The following ARHGAP42 variants were observed in gnomAD, a reference collection of about 807,000 sequenced individuals.
ARHGAP42 encodes rho GTPase-activating protein 42.
Under a neutral mutation model 125.0 loss-of-function variants are expected in ARHGAP42, and 63 were observed. The ratio of observed to expected loss-of-function variants is 0.50; its 90% CI spans 0.41 to 0.62. The LOEUF is 0.62. ARHGAP42 is among the 20% of genes least tolerant of loss of function. The probability of loss-of-function intolerance (pLI) is 0.00; values close to 1 mark genes in which losing one functional copy is unlikely to be tolerated. For missense variants in ARHGAP42, 766 were observed against 1,024.2 expected (o/e 0.75, Z 3.44); for synonymous variants, 339 against 351.0 (o/e 0.97, Z 0.38).
intron 4 of ARHGAP42, among the ~76,000 whole-genome samples, chr11:100,905,643 T>C (rs1866709713): frequency 6.6e-6 from 1 of 152,188 alleles, no homozygotes; most frequent in South Asian, 2.1e-4. Flanking sequence ...TTTCAAATTT[T>C]GCTTAATATT....
intron 4 of ARHGAP42, among the ~76,000 whole-genome samples, chr11:100,903,117 G>GCACA (rs1555021069): frequency 0.04 from 5,251 of 131,968 alleles, 187 homozygotes; most frequent in East Asian, 0.13. Flanking sequence ...TCCAAGATGC[G>GCACA]CACACACACA....
rs1246663164 is a variant in ARHGAP42 at position 100,992,669 on chromosome 11, A to G, written c.*3868A>G. 2 of 1,599,378 alleles carry G rather than the reference A, an allele frequency of 1.3e-6. No individual in the cohort carries two copies. The highest frequency in any genetic ancestry group is 1.7e-6 in the Non-Finnish European group (2 of 1,173,448). Reference sequence around the variant, plus strand: ...AAATGTGCCAGTTCCACTTGGTAATAACGTTGGGAAAATGCAGGTTTATGA... The same window carrying G: ...AAATGTGCCAGTTCCACTTGGTAATGACGTTGGGAAAATGCAGGTTTATGA... On this transcript the variant is annotated 3_prime_UTR_variant, in exon 24 of 24. Coordinates refer to ENST00000298815, the MANE Select transcript of ARHGAP42 (RefSeq NM_152432.4).
chr11:100,776,221 C>G (rs529116153), intron 2 of ARHGAP42, among the ~76,000 whole-genome samples: 2 of 151,714 alleles, frequency 1.3e-5, no homozygotes, highest in East Asian at 3.9e-4. Flanking sequence ...AAATGTTAGT[C>G]ATTAATATGA....
chr11:100,788,352 C>T (rs1863483791), intron 2 of ARHGAP42, among the ~76,000 whole-genome samples: 1 of 152,178 alleles, frequency 6.6e-6, no homozygotes, highest in East Asian at 1.9e-4. Flanking sequence ...ACTTAGATAC[C>T]TCAATGATAA....
chr11:100,780,859 A>G (rs934313741), intron 2 of ARHGAP42, among the ~76,000 whole-genome samples: 1 of 152,234 alleles, frequency 6.6e-6, no homozygotes, highest in African/African-American at 2.4e-5. Context: ...GTGTAAAAAC[A>G]AAGCTAATTA....
rs527861913 is a variant in ARHGAP42, at chr11:100,904,799, G to T, written c.385-8653G>T. Among the ~76,000 whole-genome samples the T allele has an allele frequency of 2.0e-5, 3 of 152,266 alleles. No individual in the cohort carries two copies. In the South Asian group the frequency reaches 6.2e-4, roughly 32 times the overall value. On this transcript the variant is annotated intron_variant, in intron 4 of 23. Transcript: ENST00000298815. ...GCCTGTCATAAGCTCTGTGACCTTG[G>T]TCAGATTACTTCTCTCTTCTCTGAT...
In ARHGAP42 at chr11:100,857,644, A is replaced by G. The variant is rs77465753; in HGVS notation, c.313-1910A>G. 5.3e-5 allele frequency among the ~76,000 whole-genome samples: 8 copies of G among 151,862 alleles called. No homozygotes were observed. In the East Asian group the frequency reaches 1.5e-3, roughly 29 times the overall value. On this transcript the variant is annotated intron_variant, in intron 3 of 23. Transcript: ENST00000298815. Reference sequence around the variant, plus strand: ...CCTTTGTTCTTTTTCTACCATGCATACTCCCTACCTCATTTGCCCCAATTC... The same window carrying G: ...CCTTTGTTCTTTTTCTACCATGCATGCTCCCTACCTCATTTGCCCCAATTC...
intron 2 of ARHGAP42, among the ~76,000 whole-genome samples, chr11:100,771,721 C>T (rs1328410767): frequency 6.6e-6 from 1 of 152,032 alleles, no homozygotes; most frequent in African/African-American, 2.4e-5. Flanking sequence ...GCCTCAGCCT[C>T]CCAAGTAGAT....
chr11:100,957,289 G>A (rs1170436513), intron 12 of ARHGAP42, among the ~76,000 whole-genome samples: 1 of 151,806 alleles, frequency 6.6e-6, no homozygotes, highest in Non-Finnish European at 1.5e-5. Flanking sequence ...TAGCAGTGAT[G>A]TGTAGACAGG....
chr11:100,722,240 A>G (rs553572408), intron 1 of ARHGAP42, among the ~76,000 whole-genome samples: 1 of 152,202 alleles, frequency 6.6e-6, no homozygotes, highest in South Asian at 2.1e-4. Flanking sequence ...ATCCTTATGT[A>G]TTCTTTGGTG....
intron 3 of ARHGAP42, among the ~76,000 whole-genome samples, chr11:100,826,695 C>T (rs1864521793): frequency 6.6e-6 from 1 of 152,064 alleles, no homozygotes; most frequent in African/African-American, 2.4e-5. Flanking sequence ...TTCCTGTTCC[C>T]ACCTTGTAAA....
intron 7 of ARHGAP42, among the ~76,000 whole-genome samples, chr11:100,935,675 C>CAG (rs200179371): frequency 3.8e-5 from 4 of 104,772 alleles, no homozygotes; most frequent in South Asian, 2.5e-4. Context: ...CACACACACA[C>CAG]ACAGAGAGAG....
chr11:100,767,266 A>T (rs1862851435), intron 1 of ARHGAP42, among the ~76,000 whole-genome samples: 1 of 152,088 alleles, frequency 6.6e-6, no homozygotes. Flanking sequence ...CCTTACTATA[A>T]CCCTGAGAAG....
chr11:100,897,193 G>T (rs1027656665), intron 4 of ARHGAP42, among the ~76,000 whole-genome samples: 2 of 152,102 alleles, frequency 1.3e-5, no homozygotes, highest in Admixed American at 1.3e-4. Context: ...TGTTCCATTG[G>T]TCTGTATATC....
intron 1 of ARHGAP42, among the ~76,000 whole-genome samples, chr11:100,738,094 T>C (rs1407072636): frequency 6.6e-6 from 1 of 152,188 alleles, no homozygotes; most frequent in Non-Finnish European, 1.5e-5. Context: ...CTGGGAGAGC[T>C]GGGAGAATAT....
chr11:100,742,315 T>A (rs1213804778), intron 1 of ARHGAP42, among the ~76,000 whole-genome samples: 2 of 151,920 alleles, frequency 1.3e-5, no homozygotes, highest in Non-Finnish European at 2.9e-5. Context: ...AGGGAGATGA[T>A]GCTGGGGTTG....
At chr11:100,796,098 G>A (rs764008036) in intron 3 of ARHGAP42, among the ~76,000 whole-genome samples, 12 of 152,016 alleles carry the variant, frequency 7.9e-5, no homozygotes, top group Admixed American at 1.3e-4. Flanking sequence ...AACCTGCATT[G>A]AGCAAGTCTG....
At chr11:100,783,471 G>T (rs756267804) in intron 2 of ARHGAP42, among the ~76,000 whole-genome samples, 11 of 152,128 alleles carry the variant, frequency 7.2e-5, no homozygotes, top group Non-Finnish European at 1.2e-4. Flanking sequence ...CAGTAGACTT[G>T]TGGTATATGC....
intron 1 of ARHGAP42, among the ~76,000 whole-genome samples, chr11:100,760,427 A>G (rs1862674457): frequency 6.6e-6 from 1 of 152,204 alleles, no homozygotes; most frequent in Non-Finnish European, 1.5e-5. Flanking sequence ...GGCTAGGTGC[A>G]GTGGCTTACA....
Sources: gnomAD v4.1 joint callset for allele counts (sites outside exome capture counted in the v4.1 genomes callset) on GRCh38, gnomAD v4.1.1 for gene constraint, MANE v1.5 for transcripts, NCBI Gene and HGNC (gene_info 2026-07-23, HGNC 2026-07-21) for gene names.